TENM3: variants seen among roughly 807,000 people sequenced by gnomAD.
The protein encoded by TENM3 is teneurin-3.
Under a neutral mutation model 255.1 loss-of-function variants are expected in TENM3, and 63 were observed. The ratio of observed to expected loss-of-function variants is 0.25; its 90% CI spans 0.20 to 0.30. The LOEUF is 0.30. Among genes scored for constraint, TENM3 ranks in the 10% least tolerant of loss-of-function variants. TENM3 has a pLI of 1.00. For missense variants in TENM3, 2,929 were observed against 3,461.1 expected (o/e 0.85, Z 3.86); for synonymous variants, 1,306 against 1,322.3 (o/e 0.99, Z 0.27).
At chr4:181,620,401 G>A in the TENM3 span, among the ~76,000 whole-genome samples, 1 of 152,156 alleles carries the variant, frequency 6.6e-6, no homozygotes, top group Admixed American at 6.5e-5. Context: ...TGTGGAACTG[G>A]CACGCACAAA....
At chr4:182,637,494 C>T (rs1193439419) in intron 5 of TENM3, among the ~76,000 whole-genome samples, 3 of 152,136 alleles carry the variant, frequency 2.0e-5, no homozygotes, top group South Asian at 2.1e-4. Context: ...TGTGAATAGC[C>T]ACTGCACTCC....
chr4:182,617,243 T>A (rs1419925414), intron 4 of TENM3, among the ~76,000 whole-genome samples: 1 of 152,174 alleles, frequency 6.6e-6, no homozygotes, highest in Non-Finnish European at 1.5e-5. Flanking sequence ...ATTAAATGAG[T>A]AATAATAGGC....
chr4:181,715,485 T>C, the TENM3 span, among the ~76,000 whole-genome samples: 1 of 152,228 alleles, frequency 6.6e-6, no homozygotes, highest in South Asian at 2.1e-4. Flanking sequence ...AAATAGTTTA[T>C]AAATATTATA....
intron 1 of TENM3, among the ~76,000 whole-genome samples, chr4:182,208,914 G>A (rs541718129): frequency 2.0e-5 from 3 of 151,266 alleles, no homozygotes; most frequent in Admixed American, 6.6e-5. Context: ...CACTTTCCAT[G>A]ACGTCCTTCA....
At chr4:181,612,604 AT>A in the TENM3 span, among the ~76,000 whole-genome samples, 1 of 151,840 alleles carries the variant, frequency 6.6e-6, no homozygotes, top group Non-Finnish European at 1.5e-5. Context: ...GCAATACCTC[AT>A]TGTGTTTTAT....
chr4:182,657,798 A>G (rs898540890), intron 6 of TENM3, among the ~76,000 whole-genome samples: 18 of 152,090 alleles, frequency 1.2e-4, no homozygotes, highest in African/African-American at 4.1e-4. Context: ...AGCTGGGACT[A>G]CAGGCACATG....
chr4:181,696,984 A>G, the TENM3 span, among the ~76,000 whole-genome samples: 1 of 152,216 alleles, frequency 6.6e-6, no homozygotes, highest in Non-Finnish European at 1.5e-5. Flanking sequence ...GCCAGATTTC[A>G]TCTTGTTGTT....
At chr4:182,168,111 A>G (rs1751842160) in intron 1 of TENM3, among the ~76,000 whole-genome samples, 2 of 151,346 alleles carry the variant, frequency 1.3e-5, no homozygotes, top group South Asian at 4.2e-4. Flanking sequence ...TCTACTCTTC[A>G]CTTTTAATCA....
intron 4 of TENM3, among the ~76,000 whole-genome samples, chr4:182,608,574 G>T (rs1327191405): frequency 6.6e-6 from 1 of 152,206 alleles, no homozygotes; most frequent in Non-Finnish European, 1.5e-5. Context: ...TTTGGTGTTA[G>T]CTGTGTTGAT....
At chr4:182,531,061 C>T (rs4383652) in intron 3 of TENM3, among the ~76,000 whole-genome samples, 3,842 of 133,566 alleles carry the variant, frequency 0.029, 69 homozygotes, top group South Asian at 0.057. Flanking sequence ...AGAGTGGTCT[C>T]GAAACCAAGC....
chr4:182,498,934 T>C (rs550454918), intron 3 of TENM3, among the ~76,000 whole-genome samples: 4 of 152,328 alleles, frequency 2.6e-5, no homozygotes, highest in Admixed American at 6.5e-5. Context: ...GGATGGTTTA[T>C]AAAGCAGCAT....
chr4:182,289,246 A>G (rs567079601), intron 1 of TENM3, among the ~76,000 whole-genome samples: 1 of 152,322 alleles, frequency 6.6e-6, no homozygotes, highest in South Asian at 2.1e-4. Context: ...ATTTAAAAAG[A>G]TTTATATTAA....
At chr4:182,407,253 T>C (rs988044646) in intron 3 of TENM3, among the ~76,000 whole-genome samples, 7 of 152,232 alleles carry the variant, frequency 4.6e-5, no homozygotes, top group African/African-American at 1.7e-4. Flanking sequence ...GGTTATCATT[T>C]TGGAAAACCA....
At position 182,380,114 on chromosome 4, in the gene TENM3, C is replaced by CA. The variant is rs558553315; in HGVS notation, c.511+33192dup. ...CGAAACCCTGTCTCTACTAAAAATA[C>CA]AAAAAAATTAGGCGGGCCTGGTGGC... On this transcript the variant is annotated intron_variant, in intron 3 of 27. Coordinates refer to ENST00000511685, the MANE Select transcript of TENM3 (RefSeq NM_001080477.4). 5.9e-5 allele frequency among the ~76,000 whole-genome samples: 9 copies of CA among 151,974 alleles called. No homozygotes were observed. The South Asian group carries it at 1.9e-3, about 32-fold the overall frequency.
the TENM3 span, among the ~76,000 whole-genome samples, chr4:182,081,303 G>GT: frequency 6.6e-6 from 1 of 152,076 alleles, no homozygotes; most frequent in South Asian, 2.1e-4. Flanking sequence ...CAGGCCAGGT[G>GT]TGGTGGCTCA....
At chr4:182,102,017 T>C in the TENM3 span, among the ~76,000 whole-genome samples, 122,807 of 152,136 alleles carry the variant, frequency 0.81, 50,401 homozygotes, top group Middle Eastern at 0.91. Flanking sequence ...GAGCCGGGGC[T>C]GAGGCTGCAA....
intron 1 of TENM3, among the ~76,000 whole-genome samples, chr4:182,148,229 TG>T (rs1277768608): frequency 6.6e-6 from 1 of 152,106 alleles, no homozygotes. Flanking sequence ...CATTCCACAA[TG>T]GATCAGTTTG....
At chr4:181,504,358 C>T in the TENM3 span, among the ~76,000 whole-genome samples, 68 of 152,250 alleles carry the variant, frequency 4.5e-4, no homozygotes, top group African/African-American at 1.6e-3. Context: ...TCTTTTCTCC[C>T]TTCTAATGTA....
At chr4:181,606,961 G>A in the TENM3 span, among the ~76,000 whole-genome samples, 8 of 152,236 alleles carry the variant, frequency 5.3e-5, no homozygotes, top group South Asian at 4.2e-4. Context: ...AGAGATGATC[G>A]TTACCAGCAG....
Sources: allele counts gnomAD v4.1 joint callset (sites outside exome capture counted in the v4.1 genomes callset), GRCh38; gene constraint gnomAD v4.1.1; transcripts MANE v1.5; gene names NCBI Gene and HGNC (gene_info 2026-07-23, HGNC 2026-07-21).